Variants in BMPR2 observed in about 807,000 individuals in gnomAD.
BMPR2 encodes bone morphogenetic protein receptor type 2.
In BMPR2, 29 loss-of-function variants were observed where a neutral mutation model predicts 100.8. That is an observed-to-expected ratio of 0.29 (90% CI 0.21 to 0.39). The LOEUF is 0.39. Ranked by LOEUF, BMPR2 falls within the 10% of genes least tolerant of loss-of-function variation. The pLI is 1.00. For synonymous variants in BMPR2, 382 were observed against 442.3 expected (o/e 0.86, Z 1.71); for missense variants, 1,011 against 1,274.5 (o/e 0.79, Z 3.15).
chr2:202,402,613 G>A (rs766880401), intron 1 of BMPR2, among the ~76,000 whole-genome samples: 1 of 150,284 alleles, frequency 6.7e-6, no homozygotes, highest in Admixed American at 6.6e-5. Context: ...TTTTTTTTCA[G>A]TTAATAAGAA....
intron 3 of BMPR2, among the ~76,000 whole-genome samples, chr2:202,481,061 C>T (rs1177618312): frequency 6.6e-6 from 1 of 151,564 alleles, no homozygotes; most frequent in Non-Finnish European, 1.5e-5. Flanking sequence ...ATCCATTGAT[C>T]CTTATGCCAG....
chr2:202,389,920 G>A (rs989039226), intron 1 of BMPR2, among the ~76,000 whole-genome samples: 3 of 151,558 alleles, frequency 2.0e-5, no homozygotes, highest in Admixed American at 1.3e-4. Flanking sequence ...GATTACAGGC[G>A]TGAGCCACTG....
intron 6 of BMPR2, 139 bp downstream of exon 6, chr2:202,519,191 C>G: frequency 1.2e-6 from 1 of 847,260 alleles, no homozygotes; most frequent in South Asian, 1.4e-5. Flanking sequence ...GCAAAACTCC[C>G]GTCTCTACTA....
intron 10 of BMPR2, among the ~76,000 whole-genome samples, chr2:202,551,886 CAG>C (rs1159436885): frequency 1.4e-5 from 2 of 138,384 alleles, no homozygotes; most frequent in African/African-American, 5.3e-5. Context: ...TTTTTTGAGA[CAG>C]AGTCTCACTC....
intron 1 of BMPR2, among the ~76,000 whole-genome samples, chr2:202,440,805 G>A (rs1691722928): frequency 6.6e-6 from 1 of 150,422 alleles, no homozygotes; most frequent in South Asian, 2.1e-4. Context: ...GGAGACCGGG[G>A]AGACTGGGGA....
At chr2:202,485,233 C>G (rs2105976918) in intron 3 of BMPR2, among the ~76,000 whole-genome samples, 1 of 152,098 alleles carries the variant, frequency 6.6e-6, no homozygotes. Flanking sequence ...CTAAGTATGA[C>G]TGGTTTTTAC....
At chr2:202,535,265 G>C (rs1249517799) in intron 9 of BMPR2, among the ~76,000 whole-genome samples, 3 of 151,616 alleles carry the variant, frequency 2.0e-5, no homozygotes, top group Non-Finnish European at 2.9e-5. Context: ...GCTGCTGGGC[G>C]GAGAGGCTCC....
At chr2:202,484,012 T>G (rs958462701) in intron 3 of BMPR2, among the ~76,000 whole-genome samples, 1 of 152,198 alleles carries the variant, frequency 6.6e-6, no homozygotes, top group African/African-American at 2.4e-5. Flanking sequence ...TTGGATCACT[T>G]AAGCCTAGGA....
intron 10 of BMPR2, among the ~76,000 whole-genome samples, chr2:202,547,781 CAAAA>C (rs373601864): frequency 3.5e-5 from 2 of 56,898 alleles, no homozygotes; most frequent in Non-Finnish European, 6.5e-5. Context: ...AGATCCATCA[CAAAA>C]AAAAAAAAAA....
rs1474158190 is a variant in BMPR2 at position 202,560,303 on chromosome 2, G to A, written c.*357G>A. On this transcript the variant is annotated 3_prime_UTR_variant, in exon 13 of 13. Coordinates refer to ENST00000374580, the MANE Select transcript of BMPR2 (RefSeq NM_001204.7). ...AATCAGTTTGGACCAGTTTCTTAAG[G>A]TCATTAAAACAGAAGCAAATTAAGA... is the stretch of plus-strand genomic sequence containing the variant. 4.0e-6 allele frequency: 1 copy of A among 251,968 alleles called. No individual in the cohort carries two copies. The highest frequency in any genetic ancestry group is 2.3e-5 in the African/African-American group (1 of 43,872). 15.6% of individuals were successfully genotyped at this position (251,968 alleles called of 1,614,324 possible).
chr2:202,542,320 T>C lies in BMPR2; in HGVS notation c.1286T>C (p.Val429Ala), dbSNP rs1284606176. The change falls in exon 10 of 13, where the codon GTA becomes GCA. Residue 429 changes from valine to alanine, a missense_variant. Around this residue, in one of 6 missense-constraint regions of BMPR2, gnomAD observed 83 missense variants for 140.7 expected, o/e 0.59. Coordinates refer to ENST00000374580, the MANE Select transcript of BMPR2 (RefSeq NM_001204.7). ...RCTDLFPGES[V>A]PEYQMAFQTE... ...TTCTACAAATCCACAGGGGAATCCG[T>C]ACCAGAGTACCAGATGGCTTTTCAG... 1.2e-6 allele frequency: 2 copies of C among 1,613,894 alleles called. No individual in the cohort carries two copies. Among genetic ancestry groups the C allele is most frequent in the Non-Finnish European group, 1.7e-6 (2 of 1,179,938 alleles).
intron 1 of BMPR2, among the ~76,000 whole-genome samples, chr2:202,439,196 T>C (rs528397676): frequency 6.7e-6 from 1 of 150,372 alleles, no homozygotes; most frequent in Admixed American, 6.6e-5. Flanking sequence ...TTACATTTAT[T>C]CCTAATAATT....
intron 1 of BMPR2, among the ~76,000 whole-genome samples, chr2:202,458,983 G>A (rs574488895): frequency 9.9e-5 from 15 of 152,164 alleles, no homozygotes; most frequent in Non-Finnish European, 1.8e-4. Flanking sequence ...ACGTTGGAGT[G>A]AGAAAGTAAG....
intron 2 of BMPR2, among the ~76,000 whole-genome samples, chr2:202,466,612 A>G (rs1461950338): frequency 6.7e-6 from 1 of 149,520 alleles, no homozygotes; most frequent in Non-Finnish European, 1.5e-5. Context: ...TTATTTATTT[A>G]TTTGTTATTG....
At position 202,495,694 on chromosome 2, in the gene BMPR2, C is replaced by CAT. The variant is rs1317742385; in HGVS notation, c.419-18024_419-18023dup. ...ATTACTTACCTCCCCACTTCCGTGT[C>CAT]ATTTAAGGAGGGCACACTGTTCCCT... On this transcript the variant is annotated intron_variant, in intron 3 of 12. Coordinates refer to ENST00000374580, the MANE Select transcript of BMPR2 (RefSeq NM_001204.7). The surrounding 1 kb of genome is among the most constrained non-coding windows in gnomAD (Gnocchi z 4.5). 6.6e-6 allele frequency among the ~76,000 whole-genome samples: 1 copy of CAT among 152,186 alleles called. No individual in the cohort carries two copies. Among genetic ancestry groups the CAT allele is most frequent in the Non-Finnish European group, 1.5e-5 (1 of 68,022 alleles).
At chr2:202,468,614 A>G (rs1016946101) in intron 3 of BMPR2, among the ~76,000 whole-genome samples, 2 of 152,242 alleles carry the variant, frequency 1.3e-5, no homozygotes, top group African/African-American at 2.4e-5. Flanking sequence ...ACGAATATAC[A>G]TAGACATTGA....
chr2:202,401,225 C>T (rs1690763984), intron 1 of BMPR2, among the ~76,000 whole-genome samples: 2 of 152,284 alleles, frequency 1.3e-5, no homozygotes, highest in Admixed American at 1.3e-4. Context: ...CCTCACATCT[C>T]ATCTCCCCTT....
At position 202,464,919 on chromosome 2, in the gene BMPR2, G is replaced by C. The variant is rs767827692; in HGVS notation, c.187G>C (p.Gly63Arg). 1 of 1,614,116 alleles carries C rather than the reference G, an allele frequency of 6.2e-7. No homozygotes were observed. Among genetic ancestry groups the C allele is most frequent in the Non-Finnish European group, 8.5e-7 (1 of 1,180,034 alleles). The change falls in exon 2 of 13, where the codon GGT (glycine) becomes CGT (arginine). Residue 63 changes from glycine (G) to arginine (R), a missense_variant. Around this residue, in one of 6 missense-constraint regions of BMPR2, gnomAD observed 355 missense variants for 455.3 expected, o/e 0.78. Transcript: ENST00000374580. ...HENGTILCSKGSTCYGLWEKS... is the reference protein window; with the variant it reads ...HENGTILCSKRSTCYGLWEKS... ...AAATGGGACAATATTATGCTCGAAAGGTAGCACCTGCTATGGCCTTTGGGA... is the reference window on the plus strand; with the variant it reads ...AAATGGGACAATATTATGCTCGAAACGTAGCACCTGCTATGGCCTTTGGGA...
At chr2:202,510,895 G>A (rs533412137) in intron 3 of BMPR2, among the ~76,000 whole-genome samples, 1 of 151,724 alleles carries the variant, frequency 6.6e-6, no homozygotes, top group Non-Finnish European at 1.5e-5. Context: ...TGGTCAGGCT[G>A]GTCTCAAACC....
Sources: allele counts gnomAD v4.1 joint callset (sites outside exome capture counted in the v4.1 genomes callset), GRCh38; gene constraint gnomAD v4.1.1; regional missense constraint gnomAD v4.1.1; non-coding constraint Gnocchi (gnomAD v3.1); transcripts MANE v1.5; gene names NCBI Gene and HGNC (gene_info 2026-07-23, HGNC 2026-07-21).